Variants in LARGE1 observed in about 807,000 individuals in gnomAD.
The protein encoded by LARGE1 is LARGE xylosyl- and glucuronyltransferase 1, also known as xylosyl- and glucuronyltransferase LARGE1.
Under a neutral mutation model 87.6 loss-of-function variants are expected in LARGE1, and 43 were observed. The observed-to-expected ratio is 0.49, with a 90% CI of 0.38 to 0.63. LARGE1 has a LOEUF of 0.63. Among genes scored for constraint, LARGE1 ranks in the 30% least tolerant of loss-of-function variants. LARGE1 has a pLI of 0.00. For missense variants in LARGE1, 802 were observed against 1,000.2 expected (o/e 0.80, Z 2.67); for synonymous variants, 434 against 394.6 (o/e 1.10, Z -1.18).
chr22:33,091,208 A>G, the LARGE1 span, among the ~76,000 whole-genome samples: 1 of 152,156 alleles, frequency 6.6e-6, no homozygotes. Context: ...GCAGGTCTAT[A>G]TATTTGATGC....
At position 33,689,629 on chromosome 22, in the gene LARGE1, T is replaced by C. The variant is rs902613180; in HGVS notation, c.107-38961A>G. Among the ~76,000 whole-genome samples, 5 of 151,296 alleles carry C rather than the reference T, an allele frequency of 3.3e-5. No individual in the cohort carries two copies. The East Asian group carries it at 9.7e-4, about 29-fold the overall frequency. On this transcript the variant is annotated intron_variant, in intron 2 of 14. Transcript: ENST00000397394. ...GAAGAAGGAAATGTAAAGAAAAAGG[T>C]GAGGTGGGGGAGAATTAAAATGGAC...
intron 13 of LARGE1, among the ~76,000 whole-genome samples, chr22:33,277,968 A>G (rs751718452): frequency 1.3e-5 from 2 of 152,138 alleles, no homozygotes; most frequent in African/African-American, 2.4e-5. Context: ...ACCCTGTCCA[A>G]TGCTCTCCCC....
chr22:33,631,006 C>A (rs2080092982), intron 3 of LARGE1, among the ~76,000 whole-genome samples: 1 of 152,042 alleles, frequency 6.6e-6, no homozygotes, highest in Admixed American at 6.5e-5. Context: ...GCGCCTGCCA[C>A]CACGCCCGGC....
chr22:33,330,391 T>C (rs192272993), intron 10 of LARGE1, among the ~76,000 whole-genome samples: 1 of 152,174 alleles, frequency 6.6e-6, no homozygotes, highest in African/African-American at 2.4e-5. Flanking sequence ...GGATCGATCA[T>C]AGCTCACTTC....
At chr22:33,365,636 A>T (rs1387881134) in intron 9 of LARGE1, among the ~76,000 whole-genome samples, 13 of 140,110 alleles carry the variant, frequency 9.3e-5, no homozygotes, top group Non-Finnish European at 1.8e-4. Context: ...TTTTTTTGAG[A>T]TGGAGTCTTG....
At chr22:33,860,417 T>C (rs552954267) in intron 1 of LARGE1, among the ~76,000 whole-genome samples, 2 of 152,304 alleles carry the variant, frequency 1.3e-5, no homozygotes, top group South Asian at 4.1e-4. Flanking sequence ...CAAATAAATA[T>C]TTGTTTCTCC....
intron 1 of LARGE1, among the ~76,000 whole-genome samples, chr22:33,897,595 G>C (rs1227673131): frequency 1.3e-5 from 2 of 152,150 alleles, no homozygotes; most frequent in African/African-American, 4.8e-5. Context: ...ATCAGAGGGG[G>C]AATGCCAATG....
chr22:33,852,144 A>G (rs2063601521), intron 1 of LARGE1, among the ~76,000 whole-genome samples: 1 of 152,168 alleles, frequency 6.6e-6, no homozygotes, highest in Non-Finnish European at 1.5e-5. Context: ...TTTCTCGACA[A>G]CTTGTTCCAC....
At chr22:33,095,877 C>T in the LARGE1 span, among the ~76,000 whole-genome samples, 22 of 152,098 alleles carry the variant, frequency 1.4e-4, no homozygotes, top group Non-Finnish European at 2.4e-4. Flanking sequence ...TAGACCTACC[C>T]GCGTGTTTGA....
At chr22:33,478,800 G>A (rs1267345762) in intron 6 of LARGE1, among the ~76,000 whole-genome samples, 5 of 152,128 alleles carry the variant, frequency 3.3e-5, no homozygotes, top group African/African-American at 7.2e-5. Flanking sequence ...CTGTGTTCCC[G>A]TAGCAGGGAT....
intron 2 of LARGE1, among the ~76,000 whole-genome samples, chr22:33,707,501 A>T (rs192966554): frequency 3.9e-5 from 6 of 152,360 alleles, no homozygotes; most frequent in Non-Finnish European, 5.9e-5. Flanking sequence ...CTGATGCAAA[A>T]CAACCAAGAC....
In LARGE1 at chr22:33,498,948, G is replaced by A. The variant is rs191079454; in HGVS notation, c.787+65900C>T. Among the ~76,000 whole-genome samples the A allele has an allele frequency of 3.6e-3, 543 of 152,120 alleles. 5 individuals are homozygous for A. Among genetic ancestry groups the A allele is most frequent in the South Asian group, 0.023 (109 of 4,802 alleles). On this transcript the variant is annotated intron_variant, in intron 6 of 14. Coordinates refer to ENST00000397394, the MANE Select transcript of LARGE1 (RefSeq NM_133642.5). ...GATCGCGCCACTGCACTCCAGCCTG[G>A]GGAACAGAGGGAGATTCCGTCTCAA...
At chr22:33,638,363 ATT>A (rs2080330265) in intron 3 of LARGE1, among the ~76,000 whole-genome samples, 1 of 152,250 alleles carries the variant, frequency 6.6e-6, no homozygotes, top group Non-Finnish European at 1.5e-5. Context: ...AATTTAAAAC[ATT>A]TCAGCTTCTT....
the LARGE1 span, among the ~76,000 whole-genome samples, chr22:33,155,646 A>G: frequency 6.6e-6 from 1 of 152,216 alleles, no homozygotes; most frequent in Non-Finnish European, 1.5e-5. Context: ...TTTCAACCTG[A>G]CAATGCGATA....
intron 1 of LARGE1, among the ~76,000 whole-genome samples, chr22:33,827,405 C>T (rs1884135022): frequency 6.6e-6 from 1 of 152,046 alleles, no homozygotes; most frequent in Admixed American, 6.6e-5. Context: ...GGTCCTATTA[C>T]CCTCCTCGCC....
At chr22:33,775,057 A>G (rs1269029341) in intron 1 of LARGE1, among the ~76,000 whole-genome samples, 4 of 152,150 alleles carry the variant, frequency 2.6e-5, no homozygotes, top group Non-Finnish European at 4.4e-5. Flanking sequence ...AGAAGAAAAC[A>G]TTTATTGGGC....
intron 5 of LARGE1, among the ~76,000 whole-genome samples, chr22:33,596,867 G>A (rs2078990002): frequency 6.6e-6 from 1 of 152,140 alleles, no homozygotes; most frequent in Non-Finnish European, 1.5e-5. Flanking sequence ...ACCAATAAAG[G>A]AGAGCCAGAA....
intron 2 of LARGE1, among the ~76,000 whole-genome samples, chr22:33,738,237 A>C (rs953715239): frequency 1.3e-5 from 2 of 152,200 alleles, no homozygotes; most frequent in South Asian, 2.1e-4. Flanking sequence ...CCATTTCCCC[A>C]ACCCAGGTGT....
intron 11 of LARGE1, among the ~76,000 whole-genome samples, chr22:33,252,947 ACT>A (rs2145722282): frequency 6.6e-6 from 1 of 151,970 alleles, no homozygotes; most frequent in South Asian, 2.1e-4. Context: ...GGGGAATCAG[ACT>A]CTTTCTCTCA....
Sources: allele counts gnomAD v4.1 joint callset (sites outside exome capture counted in the v4.1 genomes callset), GRCh38; gene constraint gnomAD v4.1.1; transcripts MANE v1.5; gene names NCBI Gene and HGNC (gene_info 2026-07-23, HGNC 2026-07-21).